The following POLN variants were observed in gnomAD, a reference collection of about 807,000 sequenced individuals.
POLN encodes DNA polymerase N.
POLN carries 108 observed loss-of-function variants against 113.5 expected under a neutral mutation model. That is an observed-to-expected ratio of 0.95 (90% CI 0.81 to 1.12). The LOEUF (loss-of-function observed/expected upper bound fraction) is 1.12, where lower values mean the gene tolerates loss of function less well. Among genes scored for constraint, POLN ranks in the 50% most tolerant of loss-of-function variants. POLN has a pLI of 0.00. For synonymous variants in POLN, 386 were observed against 391.5 expected (o/e 0.99, Z 0.17); for missense variants, 1,097 against 1,077.1 (o/e 1.02, Z -0.26).
intron 19 of POLN, among the ~76,000 whole-genome samples, chr4:2,100,723 C>A (rs1421003864): frequency 6.6e-6 from 1 of 152,116 alleles, no homozygotes; most frequent in Non-Finnish European, 1.5e-5. Flanking sequence ...AAACTCAATA[C>A]TGATGCAGGA....
intron 20 of POLN, chr4:2,090,173 A>C: frequency 1.0e-6 from 1 of 999,710 alleles, no homozygotes; most frequent in East Asian, 2.6e-5. Flanking sequence ...GAAGAAGAAA[A>C]TAAGACTCCT....
chr4:2,220,105 G>C (rs182789181), intron 3 of POLN, among the ~76,000 whole-genome samples: 48 of 152,034 alleles, frequency 3.2e-4, no homozygotes, highest in African/African-American at 1.1e-3. Flanking sequence ...CTACAAATTC[G>C]CCTCTCAGCT....
intron 19 of POLN, among the ~76,000 whole-genome samples, chr4:2,125,455 A>G (rs1731555357): frequency 6.6e-6 from 1 of 152,200 alleles, no homozygotes; most frequent in Admixed American, 6.5e-5. Context: ...GTGGAAGATC[A>G]AAAAAGTCTG....
chr4:2,164,750 CTG>C (rs1199618883), intron 13 of POLN, among the ~76,000 whole-genome samples: 2 of 121,216 alleles, frequency 1.6e-5, no homozygotes, highest in Non-Finnish European at 3.2e-5. Flanking sequence ...TTGCAGGGAG[CTG>C]AGATCATGCC....
At chr4:2,179,697 G>A (rs1733086697) in intron 7 of POLN, among the ~76,000 whole-genome samples, 1 of 152,212 alleles carries the variant, frequency 6.6e-6, no homozygotes, top group Non-Finnish European at 1.5e-5. Context: ...TCACATTAAA[G>A]AGGCAGATTT....
rs1225953455 is a variant in POLN at position 2,114,090 on chromosome 4, T to C, written c.1982+14023A>G. ...ATTTTTGTATTTTTTGTAGAGATGG[T>C]GTTTCTTCATGTTTCCAAGGCAAGT... On this transcript the variant is annotated intron_variant, in intron 19 of 25. Coordinates refer to ENST00000511885, the MANE Select transcript of POLN (RefSeq NM_181808.4). Among the ~76,000 whole-genome samples, 5 of 151,502 alleles carry C rather than the reference T, an allele frequency of 3.3e-5. No homozygotes were observed. The East Asian group carries it at 9.7e-4, about 30-fold the overall frequency.
intron 5 of POLN, among the ~76,000 whole-genome samples, chr4:2,206,547 G>T (rs1257124077): frequency 6.6e-6 from 1 of 151,988 alleles, no homozygotes; most frequent in Admixed American, 6.6e-5. Context: ...AAACAAATTA[G>T]CAAGAAAAAA....
At chr4:2,185,732 C>T (rs1733255420) in intron 7 of POLN, among the ~76,000 whole-genome samples, 2 of 137,218 alleles carry the variant, frequency 1.5e-5, no homozygotes, top group South Asian at 2.2e-4. Context: ...AGTGACAGAG[C>T]GAGACTCCAT....
At chr4:2,183,267 G>T (rs1308935547) in intron 7 of POLN, among the ~76,000 whole-genome samples, 2 of 152,188 alleles carry the variant, frequency 1.3e-5, no homozygotes, top group African/African-American at 2.4e-5. Context: ...TAAATACAGA[G>T]TACCACATGA....
At chr4:2,214,313 C>T (rs1459074880) in intron 3 of POLN, among the ~76,000 whole-genome samples, 2 of 151,708 alleles carry the variant, frequency 1.3e-5, no homozygotes, top group Non-Finnish European at 2.9e-5. Context: ...GAGACTGATC[C>T]CAAGACTTTA....
chr4:2,221,556 T>C (rs1734252952), intron 3 of POLN, among the ~76,000 whole-genome samples: 1 of 152,094 alleles, frequency 6.6e-6, no homozygotes, highest in South Asian at 2.1e-4. Flanking sequence ...CTCAAAAGAA[T>C]GCAACCTTTT....
rs755331858 is a variant in POLN at position 2,229,075 on chromosome 4, G to T, written c.133+24C>A. 3.8e-6 allele frequency: 6 copies of T among 1,558,820 alleles called. No individual in the cohort carries two copies. The African/African-American group carries it at 6.9e-5, about 18-fold the overall frequency. On this transcript the variant is annotated intron_variant, in intron 3 of 25. Transcript: ENST00000511885. The stretch of plus-strand genomic sequence containing the variant: ...TTAACATTCAAAGTATCAAGAGAAA[G>T]AAAGGTTCATAAAAATTACTTACTC...
chr4:2,072,576 C>A (rs1207825431), intron 25 of POLN, among the ~76,000 whole-genome samples: 1 of 152,232 alleles, frequency 6.6e-6, no homozygotes, highest in East Asian at 1.9e-4. Context: ...TAGGCTGCGG[C>A]CGGCAGACAA....
rs546668807 is a variant in POLN, at chr4:2,074,014, G to A, written c.2456-985C>T. On this transcript the variant is annotated intron_variant, in intron 24 of 25. Coordinates refer to ENST00000511885, the MANE Select transcript of POLN (RefSeq NM_181808.4). Reference sequence around the variant, plus strand: ...CCCCTGGGGACCTTCTTATGGGGGCGAGGCTGGAGAGCCGGCCCAGGCCAA... The same window carrying A: ...CCCCTGGGGACCTTCTTATGGGGGCAAGGCTGGAGAGCCGGCCCAGGCCAA... 2.6e-5 allele frequency among the ~76,000 whole-genome samples: 4 copies of A among 152,358 alleles called. No individual in the cohort carries two copies. In the East Asian group the frequency reaches 7.7e-4, roughly 29 times the overall value.
chr4:2,192,357 T>A (rs765354022), intron 7 of POLN, among the ~76,000 whole-genome samples: 25 of 152,084 alleles, frequency 1.6e-4, no homozygotes, highest in Non-Finnish European at 3.1e-4. Flanking sequence ...ATCTAGTTTT[T>A]TTATTTCTCC....
At chr4:2,157,722 C>CAAAAAAAAAAAAAAAAA (rs71644319) in intron 15 of POLN, 136 bp downstream of exon 15, 1 of 131,816 alleles carries the variant, frequency 7.6e-6, no homozygotes, top group Non-Finnish European at 1.4e-5. Context: ...GACTCTGTCT[C>CAAAAAAAAAAAAAAAAA]AAAAAAAAAA....
chr4:2,225,896 G>A (rs186982309), intron 3 of POLN, among the ~76,000 whole-genome samples: 1 of 152,016 alleles, frequency 6.6e-6, no homozygotes, highest in African/African-American at 2.4e-5. Flanking sequence ...AGCTACTCAG[G>A]AGGCTGAGGT....
intron 19 of POLN, among the ~76,000 whole-genome samples, chr4:2,124,376 C>T (rs890055798): frequency 6.6e-6 from 1 of 152,146 alleles, no homozygotes; most frequent in Non-Finnish European, 1.5e-5. Flanking sequence ...AAGCAATCCT[C>T]TCTCCTTAGC....
At chr4:2,157,199 T>C (rs1249940244) in intron 15 of POLN, among the ~76,000 whole-genome samples, 1 of 152,204 alleles carries the variant, frequency 6.6e-6, no homozygotes, top group Non-Finnish European at 1.5e-5. Context: ...GTTCTGTCAC[T>C]TGCTGTGTGA....
Sources: gnomAD v4.1 joint callset for allele counts (sites outside exome capture counted in the v4.1 genomes callset) on GRCh38, gnomAD v4.1.1 for gene constraint, MANE v1.5 for transcripts, NCBI Gene and HGNC (gene_info 2026-07-23, HGNC 2026-07-21) for gene names.